CADPS: variants seen among roughly 807,000 people sequenced by gnomAD.
CADPS encodes the protein calcium dependent secretion activator, also known as calcium-dependent secretion activator 1.
A neutral mutation model predicts 167.3 loss-of-function variants in CADPS; 57 were observed. The ratio of observed to expected loss-of-function variants is 0.34; its 90% confidence interval spans 0.28 to 0.42. The LOEUF (loss-of-function observed/expected upper bound fraction) is 0.42. CADPS is among the 20% of genes least tolerant of loss of function. The pLI, the probability that CADPS is intolerant of heterozygous loss-of-function variation, is 1.00. For missense variants in CADPS, 1,414 were observed against 1,738.1 expected (o/e 0.81, Z 3.32); for synonymous variants, 676 against 635.3 (o/e 1.06, Z -0.96).
intron 11 of CADPS, among the ~76,000 whole-genome samples, chr3:62,541,887 AT>A (rs1195707180): frequency 6.6e-6 from 1 of 152,098 alleles, no homozygotes; most frequent in East Asian, 1.9e-4. Flanking sequence ...TTTCTAACAT[AT>A]ATATTTTTAG....
In CADPS at chr3:62,602,702, C is replaced by A. The variant is rs1693334276; in HGVS notation, c.1326-9954G>T. Among the ~76,000 whole-genome samples, 1 of 152,140 alleles carries A rather than the reference C, an allele frequency of 6.6e-6. No homozygotes were observed. The highest frequency in any genetic ancestry group is 2.4e-5 in the African/African-American group (1 of 41,428). ...GTTTGCTTTGTAGAAATTGGGCTGT[C>A]TGGGAGGCAGAGATGAAGGCTTTGG... is the stretch of plus-strand genomic sequence containing the variant. On this transcript the variant is annotated intron_variant, in intron 6 of 29. Transcript: ENST00000383710. The surrounding 1 kb of genome is among the most constrained non-coding windows in gnomAD (Gnocchi z 4.4).
intron 28 of CADPS, among the ~76,000 whole-genome samples, chr3:62,435,903 T>C (rs925581412): frequency 3.3e-5 from 5 of 152,124 alleles, no homozygotes; most frequent in Non-Finnish European, 2.9e-5. Context: ...TGTCCCTAAC[T>C]ATAACTTGCT....
intron 26 of CADPS, among the ~76,000 whole-genome samples, chr3:62,452,953 AAAACAAAC>A (rs112116630): frequency 3.9e-5 from 6 of 151,964 alleles, no homozygotes; most frequent in Non-Finnish European, 7.4e-5. Flanking sequence ...AGTTTCTACA[AAAACAAAC>A]AAACAAACAA....
intron 3 of CADPS, among the ~76,000 whole-genome samples, chr3:62,749,605 G>C (rs1218198184): frequency 3.3e-5 from 5 of 152,204 alleles, no homozygotes; most frequent in Non-Finnish European, 7.3e-5. Context: ...ACTGTGAGTT[G>C]ATAAGAGTTG....
At position 62,674,260 on chromosome 3, in the gene CADPS, T is replaced by A. The variant is rs557672828; in HGVS notation, c.889-11866A>T. On this transcript the variant is annotated intron_variant, in intron 3 of 29. Coordinates refer to ENST00000383710, the MANE Select transcript of CADPS (RefSeq NM_003716.4). Reference sequence around the variant, plus strand: ...GAGGTGAATTAATTAAATTAAAACCTTTCCAGGGTACTTGAGAACTGTCAC... The same window carrying A: ...GAGGTGAATTAATTAAATTAAAACCATTCCAGGGTACTTGAGAACTGTCAC... Among the ~76,000 whole-genome samples the A allele has an allele frequency of 2.0e-5, 3 of 152,286 alleles. No homozygotes were observed. In the South Asian group the frequency reaches 6.2e-4, roughly 32 times the overall value.
intron 3 of CADPS, among the ~76,000 whole-genome samples, chr3:62,703,955 G>A (rs2081897187): frequency 6.6e-6 from 1 of 152,054 alleles, no homozygotes; most frequent in Non-Finnish European, 1.5e-5. Context: ...TGGAATGTAG[G>A]GAATTTTTAG....
chr3:62,424,061 G>A (rs2052063183), intron 28 of CADPS, among the ~76,000 whole-genome samples: 1 of 152,178 alleles, frequency 6.6e-6, no homozygotes, highest in South Asian at 2.1e-4. Context: ...TATCAAAAGA[G>A]CAGCTTTCAG....
At chr3:62,770,300 G>C (rs780805347) in intron 1 of CADPS, among the ~76,000 whole-genome samples, 23 of 152,246 alleles carry the variant, frequency 1.5e-4, no homozygotes, top group African/African-American at 4.8e-4. Context: ...CCTGCAACCT[G>C]AGCATTTCCT....
chr3:62,864,376 G>T (rs978096980), intron 1 of CADPS, among the ~76,000 whole-genome samples: 1 of 152,168 alleles, frequency 6.6e-6, no homozygotes, highest in South Asian at 2.1e-4. Context: ...CAGAAGAAGA[G>T]GGCTGTCTTT....
intron 17 of CADPS, among the ~76,000 whole-genome samples, chr3:62,512,426 T>A (rs1376081945): frequency 1.3e-5 from 2 of 152,156 alleles, no homozygotes; most frequent in African/African-American, 4.8e-5. Context: ...AGAGGAAGAT[T>A]CATTTGGTTA....
intron 9 of CADPS, among the ~76,000 whole-genome samples, chr3:62,561,408 A>G (rs185798113): frequency 6.7e-6 from 1 of 148,632 alleles, no homozygotes; most frequent in Non-Finnish European, 1.5e-5. Flanking sequence ...ATGTACCACC[A>G]TGCCTGGCTA....
chr3:62,825,201 G>A (rs901294114), intron 1 of CADPS, among the ~76,000 whole-genome samples: 2 of 152,124 alleles, frequency 1.3e-5, no homozygotes, highest in Non-Finnish European at 2.9e-5. Flanking sequence ...TATTTTATGG[G>A]TGGGAGGGGC....
chr3:62,777,313 A>G (rs1167062666), intron 1 of CADPS, among the ~76,000 whole-genome samples: 1 of 152,196 alleles, frequency 6.6e-6, no homozygotes, highest in Non-Finnish European at 1.5e-5. Flanking sequence ...TGATTTAGAT[A>G]AGAACATTAT....
intron 1 of CADPS, among the ~76,000 whole-genome samples, chr3:62,777,665 C>A (rs949259668): frequency 5.9e-5 from 9 of 152,096 alleles, no homozygotes; most frequent in Non-Finnish European, 1.2e-4. Flanking sequence ...TACGGGAACT[C>A]TTCTGTATTT....
chr3:62,538,503 A>T (rs1314744593), intron 11 of CADPS, among the ~76,000 whole-genome samples: 1 of 152,128 alleles, frequency 6.6e-6, no homozygotes, highest in Non-Finnish European at 1.5e-5. Context: ...CGAATTGCTC[A>T]TGCTGTTTCA....
intron 21 of CADPS, among the ~76,000 whole-genome samples, chr3:62,482,225 G>C (rs1412694848): frequency 6.6e-6 from 1 of 152,140 alleles, no homozygotes; most frequent in Non-Finnish European, 1.5e-5. Flanking sequence ...GGTGTGGCTG[G>C]GGCTGGGGTT....
chr3:62,777,806 C>T (rs530842385), intron 1 of CADPS, among the ~76,000 whole-genome samples: 1 of 152,146 alleles, frequency 6.6e-6, no homozygotes, highest in Non-Finnish European at 1.5e-5. Flanking sequence ...TGATGCAGGC[C>T]TAAGCATGCC....
chr3:62,673,241 G>A (rs1479480345), intron 3 of CADPS, among the ~76,000 whole-genome samples: 3 of 152,238 alleles, frequency 2.0e-5, no homozygotes, highest in African/African-American at 7.2e-5. Context: ...TGGCAGGGAT[G>A]TTTTGAGGAG....
At chr3:62,579,381 A>G (rs1322364923) in intron 8 of CADPS, among the ~76,000 whole-genome samples, 1 of 152,250 alleles carries the variant, frequency 6.6e-6, no homozygotes, top group Non-Finnish European at 1.5e-5. Flanking sequence ...CAGTCTCTGT[A>G]TGAAGGTCCT....
Sources: allele counts gnomAD v4.1 joint callset (sites outside exome capture counted in the v4.1 genomes callset), GRCh38; gene constraint gnomAD v4.1.1; non-coding constraint Gnocchi (gnomAD v3.1); transcripts MANE v1.5; gene names NCBI Gene and HGNC (gene_info 2026-07-23, HGNC 2026-07-21).